Variants in KIAA0825 observed in about 807,000 individuals in gnomAD.
KIAA0825 encodes the protein uncharacterized protein KIAA0825.
In KIAA0825, 119 loss-of-function variants were observed where a neutral mutation model predicts 147.6. The ratio of observed to expected loss-of-function variants is 0.81; its 90% CI spans 0.69 to 0.94. The LOEUF (loss-of-function observed/expected upper bound fraction) is 0.94, where lower values mean the gene tolerates loss of function less well. KIAA0825 is among the 40% of genes least tolerant of loss of function. The pLI, the probability that KIAA0825 is intolerant of heterozygous loss-of-function variation, is 0.00. For synonymous variants in KIAA0825, 470 were observed against 518.1 expected (o/e 0.91, Z 1.26); for missense variants, 1,381 against 1,472.7 (o/e 0.94, Z 1.02).
At chr5:94,509,227 G>T (rs915531446) in intron 5 of KIAA0825, among the ~76,000 whole-genome samples, 5 of 152,144 alleles carry the variant, frequency 3.3e-5, no homozygotes, top group African/African-American at 9.7e-5. Flanking sequence ...CCTCATCAGG[G>T]TGTTTAATGT....
chr5:94,234,288 G>T (rs1027517194), intron 20 of KIAA0825, among the ~76,000 whole-genome samples: 35 of 151,526 alleles, frequency 2.3e-4, no homozygotes, highest in Non-Finnish European at 4.6e-4. Context: ...GGAGAATGGC[G>T]TGAACCCGGG....
chr5:94,341,912 G>A (rs775693813), intron 20 of KIAA0825, among the ~76,000 whole-genome samples: 15 of 152,196 alleles, frequency 9.9e-5, no homozygotes, highest in Non-Finnish European at 1.6e-4. Flanking sequence ...GAGCAATCTC[G>A]GCCAGACGCG....
At chr5:94,410,198 G>GAAAAAAAAA (rs70978107) in intron 15 of KIAA0825, among the ~76,000 whole-genome samples, 1 of 137,132 alleles carries the variant, frequency 7.3e-6, no homozygotes, top group Non-Finnish European at 1.6e-5. Flanking sequence ...AGACACTGCA[G>GAAAAAAAAA]AAAAAAAAAA....
intron 1 of KIAA0825, among the ~76,000 whole-genome samples, chr5:94,606,256 A>T (rs1193126469): frequency 6.6e-6 from 1 of 152,160 alleles, no homozygotes; most frequent in African/African-American, 2.4e-5. Context: ...AAATTAGAGA[A>T]AACACAAACA....
chr5:94,516,218 T>A (rs1767205339), intron 5 of KIAA0825, among the ~76,000 whole-genome samples: 1 of 152,196 alleles, frequency 6.6e-6, no homozygotes, highest in South Asian at 2.1e-4. Context: ...ATATTTTAAA[T>A]ATATGTACTG....
chr5:94,295,970 C>A (rs1778113192), intron 20 of KIAA0825, among the ~76,000 whole-genome samples: 1 of 152,198 alleles, frequency 6.6e-6, no homozygotes, highest in Admixed American at 6.5e-5. Flanking sequence ...AGATACACTG[C>A]TCTCTTTAGG....
At chr5:94,286,467 G>C (rs924605337) in intron 20 of KIAA0825, among the ~76,000 whole-genome samples, 5 of 152,106 alleles carry the variant, frequency 3.3e-5, no homozygotes, top group Non-Finnish European at 7.4e-5. Context: ...ACAGGGACCT[G>C]TCCTACTTAT....
chr5:94,359,676 A>T (rs756188649), intron 20 of KIAA0825, among the ~76,000 whole-genome samples: 1 of 152,250 alleles, frequency 6.6e-6, no homozygotes, highest in Non-Finnish European at 1.5e-5. Flanking sequence ...TTATTGCTCA[A>T]CTACCTATTA....
At chr5:94,382,819 A>G (rs1748599827) in intron 20 of KIAA0825, among the ~76,000 whole-genome samples, 1 of 152,260 alleles carries the variant, frequency 6.6e-6, no homozygotes, top group African/African-American at 2.4e-5. Flanking sequence ...GGTGAATATT[A>G]TAAAAAGGAA....
intron 20 of KIAA0825, among the ~76,000 whole-genome samples, chr5:94,209,461 G>T (rs1036246893): frequency 1.3e-5 from 2 of 152,174 alleles, no homozygotes; most frequent in African/African-American, 2.4e-5. Flanking sequence ...CGGTAGAAAA[G>T]AAATTTAAAT....
In KIAA0825 at chr5:94,533,522, G is replaced by A. The variant is rs138004740; in HGVS notation, c.131+3474C>T. 4.8e-3 allele frequency among the ~76,000 whole-genome samples: 731 copies of A among 152,018 alleles called. 8 individuals carry two copies. Among genetic ancestry groups the A allele is most frequent in the African/African-American group, 0.016 (667 of 41,438 alleles). ...GAACTCCTGACTTTGTGATCCGCCCGCCTCAGCCTCCAAAAGTGCTGGGAT... is the reference window on the plus strand; with the variant it reads ...GAACTCCTGACTTTGTGATCCGCCCACCTCAGCCTCCAAAAGTGCTGGGAT... On this transcript the variant is annotated intron_variant, in intron 3 of 20. Coordinates refer to ENST00000682413, the MANE Select transcript of KIAA0825 (RefSeq NM_001145678.3).
rs930705078 is a variant in KIAA0825, at chr5:94,477,188, C to A, written c.1150G>T (p.Asp384Tyr). Reference sequence around the variant, plus strand: ...GGTTTTTCCATTACAACCTCTCTATCGGATTTCTCCAAAATTCCTAAGCAA... The same window carrying A: ...GGTTTTTCCATTACAACCTCTCTATAGGATTTCTCCAAAATTCCTAAGCAA... Reference protein sequence around the residue: ...RDTSGILEKSDREVVMEKPRA... With the variant: ...RDTSGILEKSYREVVMEKPRA... The change falls in exon 7 of 21, where the codon GAT becomes TAT. Residue 384 changes from aspartate to tyrosine, a missense_variant. By Grantham distance (160) the Asp-to-Tyr change is radical. Coordinates refer to ENST00000682413, the MANE Select transcript of KIAA0825 (RefSeq NM_001145678.3). The A allele has an allele frequency of 7.1e-6, 11 of 1,548,820 alleles. No homozygotes were observed. In the East Asian group the frequency reaches 2.7e-4, roughly 38 times the overall value.
At chr5:94,519,449 G>T (rs1767759242) in intron 5 of KIAA0825, 1 of 906,272 alleles carries the variant, frequency 1.1e-6, no homozygotes, top group African/African-American at 1.8e-5. Flanking sequence ...TTCTCCACTG[G>T]TAGGAAAGTA....
At position 94,152,924 on chromosome 5, in the gene KIAA0825, A is replaced by T. The variant is rs1441390503; in HGVS notation, c.*1083T>A. ...TATATGGTTTCTCCCAGACGTTCTT[A>T]GACTGCCCAACCATGCAATTCTCTT... On this transcript the variant is annotated 3_prime_UTR_variant, in exon 21 of 21. Transcript: ENST00000682413. 2.8e-5 allele frequency: 3 copies of T among 106,936 alleles called. No individual in the cohort carries two copies. Among genetic ancestry groups the T allele is most frequent in the Non-Finnish European group, 3.6e-5 (2 of 55,644 alleles). The allele number at this position is 106,936 out of a possible 1,614,324, so 6.6% of individuals were successfully genotyped here.
chr5:94,610,572 G>A (rs979868182), intron 1 of KIAA0825, among the ~76,000 whole-genome samples: 8 of 150,320 alleles, frequency 5.3e-5, no homozygotes, highest in African/African-American at 2.0e-4. Flanking sequence ...AGACCAGCCT[G>A]GGCAACATGG....
intron 15 of KIAA0825, among the ~76,000 whole-genome samples, chr5:94,410,527 A>C (rs1330167897): frequency 6.6e-6 from 1 of 152,216 alleles, no homozygotes; most frequent in Non-Finnish European, 1.5e-5. Flanking sequence ...AAAGAAAACC[A>C]AAACAAGGCA....
intron 4 of KIAA0825, among the ~76,000 whole-genome samples, chr5:94,522,579 A>G (rs976590814): frequency 4.6e-5 from 7 of 151,824 alleles, no homozygotes; most frequent in Admixed American, 1.3e-4. Context: ...TATTTAAATC[A>G]CTAGAAAATT....
intron 20 of KIAA0825, among the ~76,000 whole-genome samples, chr5:94,194,741 G>T (rs149529588): frequency 8.7e-4 from 132 of 152,200 alleles, no homozygotes; most frequent in African/African-American, 3.1e-3. Flanking sequence ...ACATATTTCT[G>T]GACCCATATT....
At chr5:94,381,895 G>A (rs1374300625) in intron 20 of KIAA0825, among the ~76,000 whole-genome samples, 7 of 151,994 alleles carry the variant, frequency 4.6e-5, no homozygotes, top group African/African-American at 1.2e-4. Flanking sequence ...TTATATGAAC[G>A]TTGAAGACAA....
Sources: gnomAD v4.1 joint callset for allele counts (sites outside exome capture counted in the v4.1 genomes callset) on GRCh38, gnomAD v4.1.1 for gene constraint, MANE v1.5 for transcripts, NCBI Gene and HGNC (gene_info 2026-07-23, HGNC 2026-07-21) for gene names.